PCMTD1: variants seen among roughly 807,000 people sequenced by gnomAD.
PCMTD1 encodes the protein protein-L-isoaspartate (D-aspartate) O-methyltransferase domain containing 1, also known as protein-L-isoaspartate O-methyltransferase domain-containing protein 1.
PCMTD1 carries 12 observed loss-of-function variants against 37.6 expected under a neutral mutation model. The ratio of observed to expected loss-of-function variants is 0.32; its 90% CI spans 0.20 to 0.52. The LOEUF is 0.52. Among genes scored for constraint, PCMTD1 ranks in the 20% least tolerant of loss-of-function variants. The probability of loss-of-function intolerance (pLI) is 0.97; values close to 1 mark genes in which losing one functional copy is unlikely to be tolerated. For synonymous variants in PCMTD1, 117 were observed against 135.8 expected (o/e 0.86, Z 0.96); for missense variants, 235 against 421.3 (o/e 0.56, Z 3.87).
chr8:51,843,534 AAC>A (rs1253536665), intron 3 of PCMTD1, among the ~76,000 whole-genome samples: 5 of 152,158 alleles, frequency 3.3e-5, no homozygotes, highest in Non-Finnish European at 5.9e-5. Context: ...AAACCTGGGT[AAC>A]ACAGTAATGA....
chr8:51,825,839 T>C (rs901237563), intron 5 of PCMTD1, among the ~76,000 whole-genome samples: 2 of 151,910 alleles, frequency 1.3e-5, no homozygotes, highest in African/African-American at 2.4e-5. Context: ...AATGCAATCA[T>C]TAAAAAGGAA....
At chr8:51,850,603 A>G (rs148596844) in intron 2 of PCMTD1, among the ~76,000 whole-genome samples, 2 of 152,284 alleles carry the variant, frequency 1.3e-5, no homozygotes, top group East Asian at 3.9e-4. Context: ...TAGACTATCC[A>G]AATCTCTGTT....
intron 1 of PCMTD1, among the ~76,000 whole-genome samples, chr8:51,866,629 C>CA (rs1461269992): frequency 6.6e-6 from 1 of 151,822 alleles, no homozygotes; most frequent in Non-Finnish European, 1.5e-5. Context: ...AAAATCAACT[C>CA]AAAACAGATT....
intron 2 of PCMTD1, chr8:51,849,482 T>C (rs947812376): frequency 1.3e-5 from 2 of 151,946 alleles, no homozygotes; most frequent in Non-Finnish European, 2.9e-5. Flanking sequence ...AAAAAGAAAA[T>C]ATTGACCTTT....
chr8:51,899,080 C>A (rs1048978327), upstream of PCMTD1: 445 of 1,491,620 alleles, frequency 3.0e-4, no homozygotes, highest in Admixed American at 1.0e-3. Context: ...GCCAGAGCCT[C>A]CCGGACTCCG....
chr8:51,828,714 G>A (rs1305036943), intron 5 of PCMTD1, among the ~76,000 whole-genome samples: 2 of 152,128 alleles, frequency 1.3e-5, no homozygotes, highest in Non-Finnish European at 2.9e-5. Context: ...ATAAGTCAAG[G>A]AGCATCTGTA....
chr8:51,870,576 C>T (rs1452473307), intron 1 of PCMTD1, among the ~76,000 whole-genome samples: 1 of 152,064 alleles, frequency 6.6e-6, no homozygotes, highest in Non-Finnish European at 1.5e-5. Flanking sequence ...TTCCTATGTG[C>T]CTACTATATA....
chr8:51,834,544 T>C (rs1322250625), intron 3 of PCMTD1, among the ~76,000 whole-genome samples: 1 of 152,174 alleles, frequency 6.6e-6, no homozygotes, highest in Non-Finnish European at 1.5e-5. Context: ...TTAAAATTAA[T>C]TCGTATCCTT....
chr8:51,875,988 G>A (rs1309988916), intron 1 of PCMTD1, among the ~76,000 whole-genome samples: 1 of 152,044 alleles, frequency 6.6e-6, no homozygotes. Context: ...GCATGTGCGT[G>A]CACGCATGCG....
At chr8:51,873,022 T>A (rs915819047) in intron 1 of PCMTD1, among the ~76,000 whole-genome samples, 1 of 152,196 alleles carries the variant, frequency 6.6e-6, no homozygotes, top group African/African-American at 2.4e-5. Flanking sequence ...AACTACAAAG[T>A]TTTTGGACTT....
intron 1 of PCMTD1, among the ~76,000 whole-genome samples, chr8:51,864,191 G>T (rs1375961521): frequency 1.3e-5 from 2 of 152,156 alleles, no homozygotes; most frequent in Non-Finnish European, 2.9e-5. Context: ...ATTATTTTAT[G>T]TCCTGTTTAA....
At chr8:51,899,072 C>T (rs926994863), upstream of PCMTD1, 3 of 1,499,856 alleles carry the variant, frequency 2.0e-6, no homozygotes, top group East Asian at 2.7e-5. Flanking sequence ...CTGGAGCAGC[C>T]AGAGCCTCCC....
chr8:51,880,603 C>T (rs2038777791), intron 1 of PCMTD1, among the ~76,000 whole-genome samples: 1 of 152,132 alleles, frequency 6.6e-6, no homozygotes, highest in African/African-American at 2.4e-5. Context: ...TCCAAAGGAA[C>T]AACTATGACA....
chr8:51,833,434 T>C (rs2038024219), intron 4 of PCMTD1, 84 bp downstream of exon 4: 7 of 1,112,260 alleles, frequency 6.3e-6, no homozygotes, highest in Non-Finnish European at 6.4e-6. Flanking sequence ...AGTTACAATA[T>C]ACCTTTCACT....
chr8:51,834,119 T>C lies in PCMTD1; in HGVS notation c.411-430A>G, dbSNP rs1178123367. On this transcript the variant is annotated intron_variant, in intron 3 of 5. Transcript: ENST00000522514. ...GAAATGAGAAGGGTTTGTGTAGAATTCATCTCAGTTTGACATTTTTGCTGA... is the reference window on the plus strand; with the variant it reads ...GAAATGAGAAGGGTTTGTGTAGAATCCATCTCAGTTTGACATTTTTGCTGA... 2.0e-5 allele frequency among the ~76,000 whole-genome samples: 3 copies of C among 152,298 alleles called. No individual in the cohort carries two copies. In the East Asian group the frequency reaches 5.8e-4, roughly 29 times the overall value.
At chr8:51,862,885 G>C (rs1234370760) in intron 1 of PCMTD1, among the ~76,000 whole-genome samples, 2 of 152,094 alleles carry the variant, frequency 1.3e-5, no homozygotes, top group Non-Finnish European at 2.9e-5. Flanking sequence ...AAATATATAA[G>C]TACAAGGGCT....
At chr8:51,845,890 C>A in intron 2 of PCMTD1, 127 bp from the exon 3 acceptor site, 1 of 578,724 alleles carries the variant, frequency 1.7e-6, no homozygotes, top group Non-Finnish European at 3.0e-6. Flanking sequence ...CAAATACTTC[C>A]TAGCCTCAGA....
Position 51,898,995 on chromosome 8 carries a change from G to T in PCMTD1, c.-161C>A. On this transcript the variant is annotated 5_prime_UTR_variant, in exon 1 of 6. Coordinates refer to ENST00000522514, the MANE Select transcript of PCMTD1 (RefSeq NM_052937.4). ...TCGGCGGGGTCCGCAGCAGCCAGAC[G>T]CCGCTACCACCACAATAACAACACG... 6.6e-7 allele frequency: 1 copy of T among 1,507,526 alleles called. No individual in the cohort carries two copies. The highest frequency in any genetic ancestry group is 8.8e-7 in the Non-Finnish European group (1 of 1,135,056). The allele number at this position is 1,507,526 out of a possible 1,614,324, so 93.4% of individuals were successfully genotyped here.
At chr8:51,824,225 C>T (rs1261704058) in intron 5 of PCMTD1, among the ~76,000 whole-genome samples, 1 of 152,064 alleles carries the variant, frequency 6.6e-6, no homozygotes, top group Non-Finnish European at 1.5e-5. Context: ...AGAAATAAAG[C>T]ATAGTCAAAT....
Sources: allele counts gnomAD v4.1 joint callset (sites outside exome capture counted in the v4.1 genomes callset), GRCh38; gene constraint gnomAD v4.1.1; transcripts MANE v1.5; gene names NCBI Gene and HGNC (gene_info 2026-07-23, HGNC 2026-07-21).